The following RSPO4 variants were observed in gnomAD, a reference collection of about 807,000 sequenced individuals.
RSPO4 encodes R-spondin-4.
Under a neutral mutation model 24.8 loss-of-function variants are expected in RSPO4, and 23 were observed. That is an observed-to-expected ratio of 0.93 (90% CI 0.67 to 1.31). The LOEUF (loss-of-function observed/expected upper bound fraction) is 1.31. Ranked by LOEUF, RSPO4 falls within the 40% of genes most tolerant of loss-of-function variation. The pLI is 0.00. For synonymous variants in RSPO4, 141 were observed against 127.4 expected, an observed-to-expected ratio of 1.11 and a Z score of -0.72; for missense variants, 333 against 316.5, an observed-to-expected ratio of 1.05 and a Z score of -0.39.
chr20:997,189 C>T (rs1195394422), intron 1 of RSPO4, among the ~76,000 whole-genome samples: 4 of 152,174 alleles, frequency 2.6e-5, no homozygotes, highest in African/African-American at 9.7e-5. Context: ...GCACATGGCC[C>T]GCCTCCCTCC....
rs1266672077 is a variant in RSPO4, at chr20:960,585, C to T, written c.596-119G>A. 6.7e-6 allele frequency: 5 copies of T among 749,064 alleles called. No homozygotes were observed. In the African/African-American group the frequency reaches 8.6e-5, roughly 13 times the overall value. The allele number at this position is 749,064 out of a possible 1,614,324, so 46.4% of individuals were successfully genotyped here. On this transcript the variant is annotated intron_variant, in intron 4 of 4. Coordinates refer to ENST00000217260, the MANE Select transcript of RSPO4 (RefSeq NM_001029871.4). The stretch of plus-strand genomic sequence containing the variant: ...CACTCCCCAACAACGGGGCTCAGAA[C>T]ATTTGGGCACTGACCTTGCAGTCCC...
At chr20:967,060 C>T (rs1219011261) in intron 3 of RSPO4, 114 bp downstream of exon 3, 1 of 1,067,988 alleles carries the variant, frequency 9.4e-7, no homozygotes, top group African/African-American at 1.6e-5. Context: ...TGGGCCTTCC[C>T]TCACCATATG....
intron 1 of RSPO4, 107 bp downstream of exon 1, chr20:1,001,979 G>A (rs1392342371): frequency 1.9e-5 from 17 of 883,618 alleles, no homozygotes; most frequent in East Asian, 2.8e-5. Context: ...AGGACCCAGG[G>A]CGCCAGGCAC....
Position 960,372 on chromosome 20 carries a change from G to C in RSPO4, c.690C>G (p.Pro230=), listed in dbSNP as rs751507935. ...GAGCCGGCGGTCAGGGCTGCAGGCC[G>C]GGCTGGCGCGGCCTCACGTCCAGCC... ...DRRLDVRPRQ[P]GLQP is the part of the protein sequence containing the mutation. Residue 230 remains proline (P), a synonymous_variant, in exon 5 of 5, where the codon CCC becomes CCG. Coordinates refer to ENST00000217260, the MANE Select transcript of RSPO4 (RefSeq NM_001029871.4). 2.6e-6 allele frequency: 4 copies of C among 1,536,900 alleles called. No individual in the cohort carries two copies. The South Asian group carries it at 3.6e-5, about 14-fold the overall frequency.
chr20:1,001,146 G>A (rs1418754158), intron 1 of RSPO4, among the ~76,000 whole-genome samples: 2 of 152,210 alleles, frequency 1.3e-5, no homozygotes, highest in Non-Finnish European at 2.9e-5. Flanking sequence ...TATGTCATGA[G>A]CATATAGTTG....
At chr20:987,816 A>G (rs1984968161) in intron 1 of RSPO4, among the ~76,000 whole-genome samples, 1 of 152,024 alleles carries the variant, frequency 6.6e-6, no homozygotes, top group South Asian at 2.1e-4. Context: ...TAAAATGGAC[A>G]CAATCACCCA....
intron 1 of RSPO4, among the ~76,000 whole-genome samples, chr20:978,856 G>C (rs1257775376): frequency 6.6e-6 from 1 of 152,112 alleles, no homozygotes; most frequent in Non-Finnish European, 1.5e-5. Context: ...AAAGGGAGGG[G>C]CTTGAGCAAG....
intron 3 of RSPO4, among the ~76,000 whole-genome samples, chr20:966,262 G>A (rs1414280189): frequency 2.0e-5 from 3 of 152,112 alleles, no homozygotes; most frequent in Non-Finnish European, 4.4e-5. Context: ...GTGCAGGAAC[G>A]GGAGGGCTCA....
rs111451598 is a variant in RSPO4 at position 990,047 on chromosome 20, C to T, written c.79+12039G>A. 2.3e-3 allele frequency among the ~76,000 whole-genome samples: 343 copies of T among 152,256 alleles called. 1 individual carries two copies. The highest frequency in any genetic ancestry group is 7.8e-3 in the African/African-American group (325 of 41,538). On this transcript the variant is annotated intron_variant, in intron 1 of 4. Coordinates refer to ENST00000217260, the MANE Select transcript of RSPO4 (RefSeq NM_001029871.4). ...TGGCAGGGATGAGAAAACTGAGGCT[C>T]GGAGAGGTAAAGGGCTTGGCCCAAG...
intron 1 of RSPO4, among the ~76,000 whole-genome samples, chr20:977,610 C>T (rs1026457692): frequency 6.6e-6 from 1 of 152,158 alleles, no homozygotes; most frequent in Non-Finnish European, 1.5e-5. Flanking sequence ...GTTTTGATGC[C>T]AACATTTTTG....
chr20:964,437 C>A (rs1163745626), intron 3 of RSPO4, among the ~76,000 whole-genome samples: 1 of 152,010 alleles, frequency 6.6e-6, no homozygotes, highest in East Asian at 1.9e-4. Context: ...CCATTCCAGG[C>A]AGGTGTGCAA....
intron 1 of RSPO4, among the ~76,000 whole-genome samples, chr20:980,188 G>C (rs1252021725): frequency 6.6e-6 from 1 of 152,168 alleles, no homozygotes; most frequent in Non-Finnish European, 1.5e-5. Flanking sequence ...AAGTGGAGCA[G>C]ATATTCAAAC....
At position 958,672 on chromosome 20, in the gene RSPO4, C is replaced by T. The variant is rs978960936; in HGVS notation, c.*1685G>A. On this transcript the variant is annotated 3_prime_UTR_variant, in exon 5 of 5. Transcript: ENST00000217260. ...GAGGGGGGGGTTCAGGCCAGGGCTC[C>T]CCAGCTGCCAGGTGGAGGGCAGGTC... is the stretch of plus-strand genomic sequence containing the variant. 1.3e-5 allele frequency: 2 copies of T among 151,836 alleles called. No individual in the cohort carries two copies. The highest frequency in any genetic ancestry group is 2.4e-5 in the African/African-American group (1 of 41,236). 9.4% of individuals were successfully genotyped at this position (151,836 alleles called of 1,614,324 possible).
intron 1 of RSPO4, among the ~76,000 whole-genome samples, chr20:985,356 C>T (rs191811751): frequency 6.6e-6 from 1 of 152,242 alleles, no homozygotes; most frequent in Admixed American, 6.5e-5. Flanking sequence ...GTCCATCCAT[C>T]CATTCAGCAG....
intron 1 of RSPO4, among the ~76,000 whole-genome samples, chr20:985,788 G>C (rs563787253): frequency 3.3e-5 from 5 of 152,300 alleles, no homozygotes; most frequent in Non-Finnish European, 5.9e-5. Context: ...ACTGGGGCAG[G>C]GTAGGGCACG....
chr20:988,022 G>A (rs957001570), intron 1 of RSPO4, among the ~76,000 whole-genome samples: 79 of 152,346 alleles, frequency 5.2e-4, no homozygotes, highest in African/African-American at 1.9e-3. Flanking sequence ...TGGCAGGAGG[G>A]AGGGCCTGGG....
intron 1 of RSPO4, among the ~76,000 whole-genome samples, chr20:972,062 C>T (rs1984425126): frequency 6.6e-6 from 1 of 152,106 alleles, no homozygotes; most frequent in Admixed American, 6.6e-5. Flanking sequence ...TAGTGGAATC[C>T]TGATTTTTAT....
intron 2 of RSPO4, among the ~76,000 whole-genome samples, chr20:967,724 AG>A (rs1463148831): frequency 1.3e-5 from 2 of 152,250 alleles, no homozygotes; most frequent in African/African-American, 4.8e-5. Flanking sequence ...ACCACAAACT[AG>A]GGTAGAAGTG....
In RSPO4 at chr20:968,081, C is replaced by G. The variant is rs1318548827; in HGVS notation, c.137G>C (p.Gly46Ala). The change falls in exon 2 of 5, where the codon GGC becomes GCC. Residue 46 changes from glycine (G) to alanine (A), a missense_variant. Gly to Ala is a moderately conservative substitution (Grantham distance 60, BLOSUM62 0). Transcript: ENST00000217260. Reference protein sequence around the residue: ...TGCIICSEENGCSTCQQRLFL... With the variant: ...TGCIICSEENACSTCQQRLFL... ...GAGCCTCTGCTGGCAGGTGGAACAG[C>G]CGTTCTCCTCTGAGCAGATGATACA... is the stretch of plus-strand genomic sequence containing the variant. The G allele has an allele frequency of 6.2e-7, 1 of 1,614,206 alleles. No homozygotes were observed. Among genetic ancestry groups the G allele is most frequent in the Admixed American group, 1.7e-5 (1 of 60,034 alleles).
Sources: allele counts gnomAD v4.1 joint callset (sites outside exome capture counted in the v4.1 genomes callset), GRCh38; gene constraint gnomAD v4.1.1; transcripts MANE v1.5; gene names NCBI Gene and HGNC (gene_info 2026-07-23, HGNC 2026-07-21).